BPGM: variants seen among roughly 807,000 people sequenced by gnomAD.
The protein encoded by BPGM is 2,3-bisphosphoglycerate mutase, erythrocyte.
A neutral mutation model predicts 21.6 loss-of-function variants in BPGM; 15 were observed. That is an observed-to-expected ratio of 0.70 (90% CI 0.47 to 1.07). The LOEUF (loss-of-function observed/expected upper bound fraction) is 1.07. BPGM is among the 50% of genes least tolerant of loss of function. The probability of loss-of-function intolerance (pLI) is 0.00; values close to 1 mark genes in which losing one functional copy is unlikely to be tolerated. For missense variants in BPGM, 273 were observed against 319.0 expected, an observed-to-expected ratio of 0.86 and a Z score of 1.10; for synonymous variants, 113 against 116.2, an observed-to-expected ratio of 0.97 and a Z score of 0.18.
At chr7:134,672,511 C>A (rs1446646486) in intron 2 of BPGM, among the ~76,000 whole-genome samples, 5 of 152,094 alleles carry the variant, frequency 3.3e-5, no homozygotes, top group Non-Finnish European at 7.3e-5. Context: ...TAATATGGTC[C>A]ACTAAGTAAT....
At chr7:134,651,504 A>C (rs907074685) in intron 1 of BPGM, among the ~76,000 whole-genome samples, 2 of 152,212 alleles carry the variant, frequency 1.3e-5, no homozygotes, top group African/African-American at 4.8e-5. Context: ...TATATTTCAC[A>C]TAATTTCATA....
At chr7:134,678,097 T>C (rs1796008698) in intron 2 of BPGM, among the ~76,000 whole-genome samples, 1 of 152,222 alleles carries the variant, frequency 6.6e-6, no homozygotes, top group Admixed American at 6.5e-5. Context: ...TAAAAGTACT[T>C]ATAAAGAATA....
chr7:134,678,688 A>G (rs1170246942), intron 2 of BPGM, among the ~76,000 whole-genome samples, 165 bp from the exon 3 acceptor site: 1 of 152,104 alleles, frequency 6.6e-6, no homozygotes, highest in Non-Finnish European at 1.5e-5. Flanking sequence ...TTTTCTTGTA[A>G]TTTCTGGAAA....
At chr7:134,664,569 G>A (rs73724819) in intron 2 of BPGM, among the ~76,000 whole-genome samples, 21,907 of 152,054 alleles carry the variant, frequency 0.14, 1,826 homozygotes, top group Middle Eastern at 0.2. Context: ...ACTTCAGCCT[G>A]TCTTTTTGAG....
In BPGM at chr7:134,656,639, G is replaced by C. The variant is rs529434693; in HGVS notation, c.-61-4808G>C. ...GCTCCTTATAAAACCATCAGACCTCGTGAGAACTCACTTTCTATCATAAGA... is the reference window on the plus strand; with the variant it reads ...GCTCCTTATAAAACCATCAGACCTCCTGAGAACTCACTTTCTATCATAAGA... On this transcript the variant is annotated intron_variant, in intron 1 of 2. Coordinates refer to ENST00000344924, the MANE Select transcript of BPGM (RefSeq NM_001724.5). Among the ~76,000 whole-genome samples, 267 of 152,266 alleles carry C rather than the reference G, an allele frequency of 1.8e-3. 1 individual carries two copies. Among genetic ancestry groups the C allele is most frequent in the Non-Finnish European group, 3.1e-3 (209 of 68,010 alleles).
chr7:134,677,461 A>C (rs1000712343), intron 2 of BPGM, among the ~76,000 whole-genome samples: 31 of 152,164 alleles, frequency 2.0e-4, no homozygotes, highest in Non-Finnish European at 5.9e-5. Flanking sequence ...AAGAGTTATT[A>C]GGGAGCTCTT....
At chr7:134,648,356 A>G (rs1795500771) in intron 1 of BPGM, among the ~76,000 whole-genome samples, 1 of 151,468 alleles carries the variant, frequency 6.6e-6, no homozygotes, top group South Asian at 2.1e-4. Flanking sequence ...GCTGGTCTCG[A>G]ATTCCTGACC....
Position 134,661,423 on chromosome 7 carries a change from GA to G in BPGM, c.-61-23del. ...TAGATTGTCAGTTGAATATAACTTA[GA>G]CTTGTTGTTCTTGTCTTTCTAGATG... On this transcript the variant is annotated intron_variant, in intron 1 of 2. Coordinates refer to ENST00000344924, the MANE Select transcript of BPGM (RefSeq NM_001724.5). This position sits in a 1 kb window ranked among gnomAD's most constrained non-coding sequence, Gnocchi z 4.6. 1.3e-6 allele frequency: 2 copies of G among 1,580,888 alleles called. No homozygotes were observed. Among genetic ancestry groups the G allele is most frequent in the Non-Finnish European group, 1.7e-6 (2 of 1,152,358 alleles).
At chr7:134,673,136 T>C (rs2131457951) in intron 2 of BPGM, among the ~76,000 whole-genome samples, 1 of 152,190 alleles carries the variant, frequency 6.6e-6, no homozygotes, top group Middle Eastern at 3.4e-3. Context: ...ATCGCGCCAC[T>C]GCACTCCAGC....
rs561121529 is a variant in BPGM, at chr7:134,664,165, G to A, written c.601+2057G>A. Among the ~76,000 whole-genome samples, 69 of 152,170 alleles carry A rather than the reference G, an allele frequency of 4.5e-4. 1 individual carries two copies. The highest frequency in any genetic ancestry group is 7.9e-4 in the Admixed American group (12 of 15,280). ...TTACCATATGATCCAGCAATCCCAC[G>A]CCTACCCATATAGCTATATTAGCTT... is the stretch of plus-strand genomic sequence containing the variant. On this transcript the variant is annotated intron_variant, in intron 2 of 2. Coordinates refer to ENST00000344924, the MANE Select transcript of BPGM (RefSeq NM_001724.5).
Position 134,662,009 on chromosome 7 carries a change from T to C in BPGM, c.502T>C (p.Tyr168His), listed in dbSNP as rs1795743873. 3 of 1,614,162 alleles carry C rather than the reference T, an allele frequency of 1.9e-6. No individual in the cohort carries two copies. The African/African-American group carries it at 4.0e-5, about 22-fold the overall frequency. Residue 168 changes from tyrosine (Y) to histidine (H), a missense_variant, in exon 2 of 3, where the codon TAT becomes CAT. Transcript: ENST00000344924. ...GGATGTTCTGGAGAGACTCCTTCCC[T>C]ATTGGAATGAAAGGATTGCTCCCGA... ...LKDVLERLLP[Y>H]WNERIAPEVL...
chr7:134,666,913 A>AT (rs1188656463), intron 2 of BPGM, among the ~76,000 whole-genome samples: 4 of 152,168 alleles, frequency 2.6e-5, no homozygotes, highest in East Asian at 3.9e-4. Flanking sequence ...ATGTCATCAT[A>AT]TTTTTTTCAC....
rs1491201640 is a variant in BPGM at position 134,665,644 on chromosome 7, T to TAAA, written c.601+3536_601+3537insAAA. The stretch of plus-strand genomic sequence containing the variant: ...AAAATAAAATAAAATAAAATAAAAA[T>TAAA]TAATGAAAAAAAAAAAAAAAAAAAA... On this transcript the variant is annotated intron_variant, in intron 2 of 2. Coordinates refer to ENST00000344924, the MANE Select transcript of BPGM (RefSeq NM_001724.5). 1.0e-3 allele frequency among the ~76,000 whole-genome samples: 2 copies of TAAA among 1,962 alleles called. 1 individual carries two copies. Among genetic ancestry groups the TAAA allele is most frequent in the Non-Finnish European group, 1.4e-3 (2 of 1,400 alleles). 1.3% of individuals were successfully genotyped at this position (1,962 alleles called of 152,430 possible). A position where few individuals can be genotyped will look rare whatever the true frequency, so the allele number is the denominator to read the frequency against.
intron 1 of BPGM, among the ~76,000 whole-genome samples, chr7:134,648,195 G>A (rs1358417628): frequency 1.3e-5 from 2 of 150,002 alleles, no homozygotes; most frequent in Non-Finnish European, 3.0e-5. Context: ...GAGTGCAATG[G>A]CGCGATATTG....
At chr7:134,673,903 CTTTTTTT>C (rs11408520) in intron 2 of BPGM, among the ~76,000 whole-genome samples, 2 of 122,210 alleles carry the variant, frequency 1.6e-5, no homozygotes, top group East Asian at 2.2e-4. Context: ...GATCTGTTTC[CTTTTTTT>C]TTTTTTTTTT....
At chr7:134,660,263 G>A (rs1210520157) in intron 1 of BPGM, among the ~76,000 whole-genome samples, 2 of 152,130 alleles carry the variant, frequency 1.3e-5, no homozygotes, top group African/African-American at 2.4e-5. Context: ...AGTTTAAGTG[G>A]GAGAGAAAAT....
chr7:134,659,969 G>C (rs1437901575), intron 1 of BPGM, among the ~76,000 whole-genome samples: 1 of 152,106 alleles, frequency 6.6e-6, no homozygotes, highest in African/African-American at 2.4e-5. Flanking sequence ...TACCATCTAG[G>C]TTTGTGTAAG....
At chr7:134,668,667 A>T (rs1232634742) in intron 2 of BPGM, among the ~76,000 whole-genome samples, 4 of 152,178 alleles carry the variant, frequency 2.6e-5, no homozygotes, top group Non-Finnish European at 5.9e-5. Flanking sequence ...GCTGTTTAGT[A>T]TATCCTGGTC....
chr7:134,648,504 T>G (rs1408132204), intron 1 of BPGM, among the ~76,000 whole-genome samples: 1 of 152,158 alleles, frequency 6.6e-6, no homozygotes, highest in East Asian at 1.9e-4. Flanking sequence ...TGTATTCCAG[T>G]AGCACCTCAT....
Sources: gnomAD v4.1 joint callset for allele counts (sites outside exome capture counted in the v4.1 genomes callset) on GRCh38, gnomAD v4.1.1 for gene constraint, Gnocchi (gnomAD v3.1) non-coding constraint, MANE v1.5 for transcripts, NCBI Gene and HGNC (gene_info 2026-07-23, HGNC 2026-07-21) for gene names.